TMEM156: variants seen among roughly 807,000 people sequenced by gnomAD.
TMEM156 encodes the protein transmembrane protein 156.
In TMEM156, 28 loss-of-function variants were observed where a neutral mutation model predicts 30.5. The observed-to-expected ratio is 0.92, with a 90% CI of 0.68 to 1.26. TMEM156 has a LOEUF of 1.26. Ranked by LOEUF, TMEM156 falls within the 50% of genes most tolerant of loss-of-function variation. The pLI is 0.00. For synonymous variants in TMEM156, 137 were observed against 119.9 expected (o/e 1.14, Z -0.93); for missense variants, 351 against 340.6 (o/e 1.03, Z -0.24).
chr4:38,998,761 A>G lies in TMEM156; in HGVS notation c.237T>C (p.Asn79=). Residue 79 remains asparagine (N), a synonymous_variant, in exon 2 of 7, where the codon AAT becomes AAC. Coordinates refer to ENST00000381938, the MANE Select transcript of TMEM156 (RefSeq NM_024943.3). ...IIMRIFLNPS[N]FRNFTRTCQD... is the part of the protein sequence containing the mutation. ...GGCAAGTCCTGGTGAAGTTACGAAA[A>G]TTGGAGGGATTTAGAAAGATTCTCA... The G allele has an allele frequency of 6.2e-7, 1 of 1,613,876 alleles. No individual in the cohort carries two copies. The highest frequency in any genetic ancestry group is 1.3e-5 in the African/African-American group (1 of 75,008).
chr4:38,988,876 G>C lies in TMEM156; in HGVS notation c.714C>G (p.Gly238=). 1 of 1,613,984 alleles carries C rather than the reference G, an allele frequency of 6.2e-7. No homozygotes were observed. The highest frequency in any genetic ancestry group is 8.5e-7 in the Non-Finnish European group (1 of 1,179,950). ...IILTIRKILE[G]QRRVQKWQSH... is the part of the protein sequence containing the mutation. Reference sequence around the variant, plus strand: ...TCTGCCACTTTTGCACTCTTCTCTGGCCTTCAAGTATTTTGCGGATAGTGA... The same window carrying C: ...TCTGCCACTTTTGCACTCTTCTCTGCCCTTCAAGTATTTTGCGGATAGTGA... The change falls in exon 4 of 7, where the codon GGC becomes GGG. Residue 238 remains glycine, a synonymous_variant. Transcript: ENST00000381938.
chr4:39,032,236 C>A lies in TMEM156; in HGVS notation c.78G>T (p.Lys26Asn). 6.2e-6 allele frequency: 10 copies of A among 1,600,068 alleles called. No homozygotes were observed. The highest frequency in any genetic ancestry group is 8.6e-6 in the Non-Finnish European group (10 of 1,169,536). Reference sequence around the variant, plus strand: ...CAATTATATACTCACCTTTCGGTGTCTTGAAATATTCCGGCAAAATTAAAA... The same window carrying A: ...CAATTATATACTCACCTTTCGGTGTATTGAAATATTCCGGCAAAATTAAAA... ...TFILILPEYF[K>N]TPKERTLELS... is the part of the protein sequence containing the mutation. The change falls in exon 1 of 7, where the codon AAG (lysine) becomes AAT (asparagine). Residue 26 changes from lysine (K) to asparagine (N), a missense_variant. Physicochemically the swap from Lys to Asn is moderately conservative, Grantham distance 94 (BLOSUM62 0). Coordinates refer to ENST00000381938, the MANE Select transcript of TMEM156 (RefSeq NM_024943.3).
intron 1 of TMEM156, among the ~76,000 whole-genome samples, chr4:39,012,905 A>C (rs1391219539): frequency 1.3e-5 from 2 of 151,900 alleles, no homozygotes; most frequent in Admixed American, 1.3e-4. Context: ...ACGCCACTGC[A>C]CTCCAGCCTG....
At chr4:39,000,619 G>A (rs1382925513) in intron 1 of TMEM156, among the ~76,000 whole-genome samples, 2 of 152,166 alleles carry the variant, frequency 1.3e-5, no homozygotes, top group Non-Finnish European at 2.9e-5. Flanking sequence ...AGGCGCAGTG[G>A]CTCATGCCTG....
At chr4:39,010,953 A>C (rs905379084) in intron 1 of TMEM156, among the ~76,000 whole-genome samples, 3 of 152,154 alleles carry the variant, frequency 2.0e-5, no homozygotes, top group African/African-American at 7.2e-5. Flanking sequence ...CTGCAAAATA[A>C]ACTATCAACA....
intron 5 of TMEM156, among the ~76,000 whole-genome samples, chr4:38,976,164 G>A (rs757289661): frequency 4.0e-5 from 6 of 151,818 alleles, no homozygotes; most frequent in Non-Finnish European, 8.8e-5. Context: ...GTGCGTGCCT[G>A]TAATCTCAGT....
intron 6 of TMEM156, among the ~76,000 whole-genome samples, chr4:38,970,702 A>C (rs1722557234): frequency 6.6e-6 from 1 of 152,178 alleles, no homozygotes; most frequent in African/African-American, 2.4e-5. Context: ...AGTTTGCTTT[A>C]CACATCTCAT....
At chr4:39,001,779 G>A (rs1178174100) in intron 1 of TMEM156, among the ~76,000 whole-genome samples, 19 of 149,032 alleles carry the variant, frequency 1.3e-4, no homozygotes, top group African/African-American at 4.6e-4. Flanking sequence ...ACAAGCAATG[G>A]GGAAAGGATT....
At chr4:38,977,148 G>A (rs28405266) in intron 5 of TMEM156, among the ~76,000 whole-genome samples, 3,343 of 152,178 alleles carry the variant, frequency 0.022, 118 homozygotes, top group African/African-American at 0.077. Flanking sequence ...CAAGTGATCC[G>A]CCCACCTCGG....
At chr4:38,976,816 A>G (rs181779468) in intron 5 of TMEM156, among the ~76,000 whole-genome samples, 1 of 152,354 alleles carries the variant, frequency 6.6e-6, no homozygotes, top group East Asian at 1.9e-4. Flanking sequence ...ACGCACATTA[A>G]AGCTTCAGAA....
chr4:38,970,757 A>G (rs1043931640), intron 6 of TMEM156, among the ~76,000 whole-genome samples: 2 of 152,182 alleles, frequency 1.3e-5, no homozygotes, highest in Non-Finnish European at 2.9e-5. Context: ...TCAACTCCGG[A>G]AAAACAGGGC....
chr4:38,995,417 CT>C (rs1712855177), intron 2 of TMEM156, among the ~76,000 whole-genome samples: 1 of 152,166 alleles, frequency 6.6e-6, no homozygotes, highest in South Asian at 2.1e-4. Flanking sequence ...TCGTGATTTG[CT>C]TTTAATTCCT....
chr4:38,992,422 G>C (rs1426142319), intron 3 of TMEM156, among the ~76,000 whole-genome samples: 1 of 151,878 alleles, frequency 6.6e-6, no homozygotes, highest in Non-Finnish European at 1.5e-5. Flanking sequence ...AGGAATAATT[G>C]TGGTATTTCA....
At position 39,020,461 on chromosome 4, in the gene TMEM156, C is replaced by T. The variant is rs140524439; in HGVS notation, c.88+11765G>A. 2.6e-5 allele frequency among the ~76,000 whole-genome samples: 4 copies of T among 152,316 alleles called. No individual in the cohort carries two copies. The East Asian group carries it at 7.7e-4, about 29-fold the overall frequency. ...ATGTTGCCCAGGCTGCTCTCAAACT[C>T]CTGGCTTCCAGCGATCCTCCCAACT... On this transcript the variant is annotated intron_variant, in intron 1 of 6. Coordinates refer to ENST00000381938, the MANE Select transcript of TMEM156 (RefSeq NM_024943.3).
intron 1 of TMEM156, among the ~76,000 whole-genome samples, chr4:39,018,663 T>A (rs1272314677): frequency 6.6e-6 from 1 of 152,226 alleles, no homozygotes; most frequent in Non-Finnish European, 1.5e-5. Context: ...TTTCAAGAGA[T>A]GAGCTATCAG....
chr4:38,981,585 G>A (rs1711559310), intron 5 of TMEM156, among the ~76,000 whole-genome samples: 1 of 152,206 alleles, frequency 6.6e-6, no homozygotes, highest in Non-Finnish European at 1.5e-5. Flanking sequence ...TACATGGCGT[G>A]CTAGAAAGTG....
intron 1 of TMEM156, 146 bp downstream of exon 1, chr4:39,032,080 T>C (rs1018084195): frequency 1.7e-6 from 1 of 587,542 alleles, no homozygotes; most frequent in African/African-American, 1.9e-5. Flanking sequence ...TCAACTAAAA[T>C]TGCAATCTTG....
intron 3 of TMEM156, among the ~76,000 whole-genome samples, chr4:38,992,488 T>G (rs957954525): frequency 6.6e-6 from 1 of 151,586 alleles, no homozygotes; most frequent in African/African-American, 2.4e-5. Flanking sequence ...TATGCAAGTA[T>G]GTAAGATTTG....
Position 38,998,840 on chromosome 4 carries a change from A to G in TMEM156, c.158T>C (p.Leu53Ser), listed in dbSNP as rs1385147367. ...CAGAAAAGTCACAAAAGAAAAATTT[A>G]AGGAGGAGAGTGAATAGGTAAAATT... ...QSNFTYSLSS[L>S]NFSFVTFLQP... The change falls in exon 2 of 7, where the codon TTA becomes TCA. Residue 53 changes from leucine (L) to serine (S), a missense_variant. Coordinates refer to ENST00000381938, the MANE Select transcript of TMEM156 (RefSeq NM_024943.3). The G allele has an allele frequency of 2.5e-6, 4 of 1,613,770 alleles. No homozygotes were observed. In the African/African-American group the frequency reaches 4.0e-5, roughly 16 times the overall value.
Sources: allele counts gnomAD v4.1 joint callset (sites outside exome capture counted in the v4.1 genomes callset), GRCh38; gene constraint gnomAD v4.1.1; transcripts MANE v1.5; gene names NCBI Gene and HGNC (gene_info 2026-07-23, HGNC 2026-07-21).